The following CAND1 variants were observed in gnomAD, a reference collection of about 807,000 sequenced individuals.
The protein encoded by CAND1 is cullin-associated NEDD8-dissociated protein 1.
CAND1 carries 7 observed loss-of-function variants against 108.5 expected under a neutral mutation model. The ratio of observed to expected loss-of-function variants is 0.06; its 90% confidence interval spans 0.04 to 0.12. The LOEUF (loss-of-function observed/expected upper bound fraction) is 0.12. Among genes scored for constraint, CAND1 ranks in the 10% least tolerant of loss-of-function variants. The pLI is 1.00. For missense variants in CAND1, 941 were observed against 1,448.7 expected, an observed-to-expected ratio of 0.65 and a Z score of 5.69; for synonymous variants, 534 against 512.0, an observed-to-expected ratio of 1.04 and a Z score of -0.58.
intron 4 of CAND1, 35 bp from the exon 5 acceptor site, chr12:67,297,372 T>C (rs1486659694): frequency 6.3e-7 from 1 of 1,588,656 alleles, no homozygotes; most frequent in East Asian, 2.2e-5. Context: ...TTGAATTCAT[T>C]TGTTGTTTTC....
rs2045030073 is a variant in CAND1 at position 67,318,473 on chromosome 12, CAG to C, written c.*5644_*5645del. On this transcript the variant is annotated 3_prime_UTR_variant, in exon 15 of 15. Coordinates refer to ENST00000545606, the MANE Select transcript of CAND1 (RefSeq NM_018448.5). The stretch of plus-strand genomic sequence containing the variant: ...GGAACATTGTATAAAGCACTTAAAA[CAG>C]TACCTGGGACATACTAAGTAATATA... 1 of 152,188 alleles carries C rather than the reference CAG, an allele frequency of 6.6e-6. No individual in the cohort carries two copies. Among genetic ancestry groups the C allele is most frequent in the South Asian group, 2.1e-4 (1 of 4,830 alleles). The allele number at this position is 152,188 out of a possible 1,614,324, so 9.4% of individuals were successfully genotyped here. A position where few individuals can be genotyped will look rare whatever the true frequency, so the allele number is the denominator to read the frequency against.
At chr12:67,300,547 C>T (rs2044814986) in intron 7 of CAND1, among the ~76,000 whole-genome samples, 1 of 152,094 alleles carries the variant, frequency 6.6e-6, no homozygotes, top group African/African-American at 2.4e-5. Flanking sequence ...GGCCAAAAAC[C>T]TTGCAGTCAT....
rs1351958756 is a variant in CAND1 at position 67,305,053 on chromosome 12, C to T, written c.1436-51C>T. 1 of 1,488,578 alleles carries T rather than the reference C, an allele frequency of 6.7e-7. No individual in the cohort carries two copies. The highest frequency in any genetic ancestry group is 2.1e-5 in the Admixed American group (1 of 47,244). 92.2% of individuals were successfully genotyped at this position (1,488,578 alleles called of 1,614,324 possible). A position where few individuals can be genotyped will look rare whatever the true frequency, so the allele number is the denominator to read the frequency against. ...CTATAGGGGTTGATTTTTAATTTTT[C>T]TTTCTTAAAAGTCTGCACAGCAATG... On this transcript the variant is annotated intron_variant, in intron 9 of 14. Transcript: ENST00000545606. The surrounding 1 kb of genome is among the most constrained non-coding windows in gnomAD (Gnocchi z 4.4).
intron 11 of CAND1, among the ~76,000 whole-genome samples, chr12:67,308,395 C>T (rs149591187): frequency 2.0e-5 from 3 of 152,138 alleles, no homozygotes; most frequent in African/African-American, 2.4e-5. Context: ...TTGGCATTTC[C>T]CCCACACATT....
chr12:67,297,489 A>G lies in CAND1; in HGVS notation c.574A>G (p.Arg192Gly). The part of the protein sequence containing the change: ...PQLTSPRLAV[R>G]KRTIIALGHL... ...GTTGACCAGCCCTAGACTTGCAGTG[A>G]GGAAAAGAACCATTATCGCTCTTGG... Residue 192 changes from arginine (R) to glycine (G), a missense_variant, in exon 5 of 15, where the codon AGG becomes GGG. By Grantham distance (125) the Arg-to-Gly change is moderately radical. Around this residue, in one of 9 missense-constraint regions of CAND1, gnomAD observed 697 missense variants for 942.0 expected, o/e 0.74. Transcript: ENST00000545606. The G allele has an allele frequency of 1.2e-6, 2 of 1,614,122 alleles. No individual in the cohort carries two copies. Among genetic ancestry groups the G allele is most frequent in the South Asian group, 1.1e-5 (1 of 91,076 alleles).
rs758425607 is a variant in CAND1 at position 67,305,517 on chromosome 12, G to A, written c.1849G>A (p.Glu617Lys). 1.2e-6 allele frequency: 2 copies of A among 1,613,970 alleles called. No individual in the cohort carries two copies. Among genetic ancestry groups the A allele is most frequent in the Non-Finnish European group, 1.7e-6 (2 of 1,180,008 alleles). Residue 617 changes from glutamate (E) to lysine (K), a missense_variant, in exon 10 of 15, where the codon GAG becomes AAG. Glu to Lys is a moderately conservative substitution (Grantham distance 56). Coordinates refer to ENST00000545606, the MANE Select transcript of CAND1 (RefSeq NM_018448.5). This position sits in a 1 kb window ranked among gnomAD's most constrained non-coding sequence, Gnocchi z 4.4. Reference protein sequence around the residue: ...DLPNTLQIFLERLKNEITRLT... With the variant: ...DLPNTLQIFLKRLKNEITRLT... ...GCCTAATACACTTCAGATTTTCTTG[G>A]AGAGACTAAAGAATGAAATTACCAG...
rs1592621798 is a variant in CAND1, at chr12:67,304,565, C to G, written c.1294-40C>G. 3 of 1,599,032 alleles carry G rather than the reference C, an allele frequency of 1.9e-6. No individual in the cohort carries two copies. In the African/African-American group the frequency reaches 4.1e-5, roughly 22 times the overall value. On this transcript the variant is annotated intron_variant, in intron 8 of 14. Transcript: ENST00000545606. The stretch of plus-strand genomic sequence containing the variant: ...TCATGTTAAGTGTACTGAGGAAATA[C>G]CAACAGCTGAACCAGCTAATGACTA...
rs1235576056 is a variant in CAND1 at position 67,305,090 on chromosome 12, TG to T, written c.1436-13del. ...TCTGCACAGCAATGATTGGATTTTTTGTTGGCTTTTTAGGAATCATTTTCTC... is the reference window on the plus strand; with the variant it reads ...TCTGCACAGCAATGATTGGATTTTTTTTGGCTTTTTAGGAATCATTTTCTC... On this transcript the variant is annotated splice_polypyrimidine_tract_variant and intron_variant, in intron 9 of 14. Coordinates refer to ENST00000545606, the MANE Select transcript of CAND1 (RefSeq NM_018448.5). This position sits in a 1 kb window ranked among gnomAD's most constrained non-coding sequence, Gnocchi z 4.4. The T allele has an allele frequency of 6.3e-7, 1 of 1,598,576 alleles. No homozygotes were observed. The highest frequency in any genetic ancestry group is 1.1e-5 in the South Asian group (1 of 88,388).
At chr12:67,286,727 A>T (rs2044675711) in intron 2 of CAND1, among the ~76,000 whole-genome samples, 1 of 152,120 alleles carries the variant, frequency 6.6e-6, no homozygotes, top group African/African-American at 2.4e-5. Context: ...GTGTCCTAAG[A>T]AATCTTTGTT....
intron 2 of CAND1, among the ~76,000 whole-genome samples, chr12:67,283,489 A>G (rs942147282): frequency 1.3e-5 from 2 of 151,966 alleles, no homozygotes; most frequent in Non-Finnish European, 2.9e-5. Context: ...AGGCTGAGGC[A>G]GCAGAATCGC....
chr12:67,297,661 T>C lies in CAND1; in HGVS notation c.746T>C (p.Ile249Thr), dbSNP rs1320430312. Residue 249 changes from isoleucine (I) to threonine (T), a missense_variant and splice_region_variant, in exon 5 of 15, where the codon ATA becomes ACA. Coordinates refer to ENST00000545606, the MANE Select transcript of CAND1 (RefSeq NM_018448.5). The part of the protein sequence containing the change: ...AAISRQAGHR[I>T]GEYLEKIIPL... ...ATTAGTAGGCAAGCTGGTCATAGAA[T>C]AGGTAAGAAATCTTTAAAAGTTTTA... 1.2e-6 allele frequency: 2 copies of C among 1,609,370 alleles called. No individual in the cohort carries two copies. The highest frequency in any genetic ancestry group is 2.2e-5 in the East Asian group (1 of 44,844).
intron 1 of CAND1, among the ~76,000 whole-genome samples, chr12:67,274,610 G>T (rs540789687): frequency 6.6e-6 from 1 of 152,106 alleles, no homozygotes; most frequent in African/African-American, 2.4e-5. Flanking sequence ...CCATTATATA[G>T]GGATTTTAGG....
At position 67,301,837 on chromosome 12, in the gene CAND1, T is replaced by C. The variant is rs572360676; in HGVS notation, c.1001-486T>C. 9.2e-5 allele frequency among the ~76,000 whole-genome samples: 14 copies of C among 152,326 alleles called. No individual in the cohort carries two copies. The South Asian group carries it at 2.5e-3, about 27-fold the overall frequency. On this transcript the variant is annotated intron_variant, in intron 7 of 14. Coordinates refer to ENST00000545606, the MANE Select transcript of CAND1 (RefSeq NM_018448.5). ...CCAGCAAATTAGTTCTACAGTGTTT[T>C]GGGATTGGTAACCATTCTTTTTATC...
intron 7 of CAND1, 112 bp downstream of exon 7, chr12:67,299,207 G>A: frequency 2.9e-6 from 3 of 1,038,474 alleles, no homozygotes; most frequent in Non-Finnish European, 4.0e-6. Flanking sequence ...ATAGTGAAAA[G>A]GGAAATGATC....
At chr12:67,280,288 C>T (rs1476670860) in intron 1 of CAND1, among the ~76,000 whole-genome samples, 1 of 152,176 alleles carries the variant, frequency 6.6e-6, no homozygotes, top group Non-Finnish European at 1.5e-5. Flanking sequence ...GTCAGATCAG[C>T]ATTAAATGAA....
At chr12:67,274,351 C>A (rs1297398397) in intron 1 of CAND1, among the ~76,000 whole-genome samples, 1 of 152,130 alleles carries the variant, frequency 6.6e-6, no homozygotes, top group Non-Finnish European at 1.5e-5. Context: ...AGATTCATGT[C>A]CATGGAGAGA....
Position 67,304,682 on chromosome 12 carries a change from G to A in CAND1, c.1371G>A (p.Met457Ile). 6.2e-7 allele frequency: 1 copy of A among 1,613,938 alleles called. No individual in the cohort carries two copies. Among genetic ancestry groups the A allele is most frequent in the Middle Eastern group, 1.7e-4 (1 of 6,056 alleles). ...AGACCCGACAGTGTTGTTTTAACAT[G>A]TTAACTGAGCTGGTAAATGTATTAC... ...SVKTRQCCFNMLTELVNVLPG... is the reference protein window; with the variant it reads ...SVKTRQCCFNILTELVNVLPG... The change falls in exon 9 of 15, where the codon ATG becomes ATA. Residue 457 changes from methionine (M) to isoleucine (I), a missense_variant. By Grantham distance (10) the Met-to-Ile change is conservative. Coordinates refer to ENST00000545606, the MANE Select transcript of CAND1 (RefSeq NM_018448.5).
intron 2 of CAND1, among the ~76,000 whole-genome samples, chr12:67,288,341 TG>T (rs1287036080): frequency 6.6e-6 from 1 of 152,012 alleles, no homozygotes; most frequent in Admixed American, 6.5e-5. Flanking sequence ...TTGGCCAGGC[TG>T]GTCTCGAACT....
chr12:67,296,000 C>T (rs533057759), intron 4 of CAND1, among the ~76,000 whole-genome samples: 97 of 152,098 alleles, frequency 6.4e-4, no homozygotes, highest in African/African-American at 2.2e-3. Flanking sequence ...GGTAGCCCTT[C>T]AATAGTTAGA....
Sources: gnomAD v4.1 joint callset for allele counts (sites outside exome capture counted in the v4.1 genomes callset) on GRCh38, gnomAD v4.1.1 for gene constraint, gnomAD v4.1.1 regional missense constraint, Gnocchi (gnomAD v3.1) non-coding constraint, MANE v1.5 for transcripts, NCBI Gene and HGNC (gene_info 2026-07-23, HGNC 2026-07-21) for gene names.